The following MYT1L variants were observed in gnomAD, a reference collection of about 807,000 sequenced individuals.
MYT1L encodes the protein myelin transcription factor 1 like, also known as myelin transcription factor 1-like protein.
Under a neutral mutation model 126.7 loss-of-function variants are expected in MYT1L, and 12 were observed. That is an observed-to-expected ratio of 0.09 (90% confidence interval 0.06 to 0.15). The LOEUF is 0.15. MYT1L is among the 10% of genes least tolerant of loss of function. MYT1L has a pLI of 1.00. For missense variants in MYT1L, 979 were observed against 1,585.2 expected (o/e 0.62, Z 6.49); for synonymous variants, 541 against 604.2 (o/e 0.90, Z 1.53).
chr2:2,004,871 C>T (rs918185394), intron 4 of MYT1L, among the ~76,000 whole-genome samples: 1 of 151,050 alleles, frequency 6.6e-6, no homozygotes, highest in African/African-American at 2.4e-5. Context: ...TGCGTTCTTT[C>T]CTGTAGGAGT....
intron 2 of MYT1L, among the ~76,000 whole-genome samples, chr2:2,222,108 T>G (rs2148991768): frequency 6.6e-6 from 1 of 152,340 alleles, no homozygotes; most frequent in Non-Finnish European, 1.5e-5. Flanking sequence ...TCTTTTGTAC[T>G]TCAAGGACTA....
chr2:2,322,571 T>A (rs1410512379), intron 1 of MYT1L, among the ~76,000 whole-genome samples: 2 of 151,182 alleles, frequency 1.3e-5, no homozygotes, highest in Admixed American at 1.3e-4. Flanking sequence ...AAGTGGAGAC[T>A]AATATGACAC....
chr2:2,008,086 G>A (rs1189369043), intron 4 of MYT1L, among the ~76,000 whole-genome samples: 1 of 152,136 alleles, frequency 6.6e-6, no homozygotes, highest in African/African-American at 2.4e-5. Flanking sequence ...GGCTCCATGT[G>A]GACCCCCCAA....
intron 19 of MYT1L, among the ~76,000 whole-genome samples, chr2:1,845,008 T>A (rs763105579): frequency 6.1e-4 from 92 of 149,746 alleles, no homozygotes; most frequent in Admixed American, 2.7e-3. Flanking sequence ...ACAGAGTCTC[T>A]CGCTCTGCTG....
intron 19 of MYT1L, among the ~76,000 whole-genome samples, chr2:1,845,725 G>A (rs970031275): frequency 6.6e-6 from 1 of 152,196 alleles, no homozygotes; most frequent in African/African-American, 2.4e-5. Flanking sequence ...CCGTTTTCCA[G>A]CAAATAAAAT....
chr2:2,197,872 T>C (rs11127375), intron 2 of MYT1L, among the ~76,000 whole-genome samples: 1 of 146,086 alleles, frequency 6.8e-6, no homozygotes, highest in Non-Finnish European at 1.5e-5. Flanking sequence ...CACACATATA[T>C]ACACATGCAC....
At chr2:1,954,606 G>A (rs1027245870) in intron 8 of MYT1L, among the ~76,000 whole-genome samples, 13 of 152,262 alleles carry the variant, frequency 8.5e-5, no homozygotes, top group Admixed American at 7.8e-4. Flanking sequence ...AACATCAGCA[G>A]CAAGTGGCTG....
chr2:1,856,374 G>A (rs1052955758), intron 18 of MYT1L, among the ~76,000 whole-genome samples: 7 of 152,106 alleles, frequency 4.6e-5, no homozygotes, highest in Non-Finnish European at 1.0e-4. Context: ...AAGATGTGTC[G>A]GCTAACATAA....
chr2:1,871,504 G>A (rs1054717288), intron 18 of MYT1L, among the ~76,000 whole-genome samples: 11 of 152,230 alleles, frequency 7.2e-5, no homozygotes, highest in African/African-American at 2.2e-4. Context: ...CAGTGAAGCC[G>A]GAGGGCAGAG....
At chr2:2,163,467 T>C (rs1366898694) in intron 3 of MYT1L, among the ~76,000 whole-genome samples, 5 of 151,918 alleles carry the variant, frequency 3.3e-5, no homozygotes, top group African/African-American at 1.2e-4. Flanking sequence ...GGCTCACACC[T>C]GTAATCCCAG....
At position 1,810,387 on chromosome 2, in the gene MYT1L, G is replaced by A. The variant is rs544542654; in HGVS notation, c.3081-1220C>T. On this transcript the variant is annotated intron_variant, in intron 21 of 24. Transcript: ENST00000647738. Reference sequence around the variant, plus strand: ...ACTCCTGACCTCAGGTGATCTGCCCGCCTTGGCCTCCCAAAGTGCTAGGAT... The same window carrying A: ...ACTCCTGACCTCAGGTGATCTGCCCACCTTGGCCTCCCAAAGTGCTAGGAT... Among the ~76,000 whole-genome samples, 10 of 152,178 alleles carry A rather than the reference G, an allele frequency of 6.6e-5. No individual in the cohort carries two copies. The South Asian group carries it at 1.7e-3, about 25-fold the overall frequency.
intron 1 of MYT1L, among the ~76,000 whole-genome samples, chr2:2,285,209 A>G (rs968864762): frequency 2.6e-5 from 4 of 152,190 alleles, no homozygotes; most frequent in Non-Finnish European, 5.9e-5. Flanking sequence ...TTGCAAGAGA[A>G]GGTTCTGGAC....
intron 18 of MYT1L, among the ~76,000 whole-genome samples, chr2:1,864,092 T>C (rs1255573163): frequency 6.6e-6 from 1 of 152,182 alleles, no homozygotes; most frequent in Non-Finnish European, 1.5e-5. Context: ...CAGCCTGACA[T>C]GGCCCAGGTG....
intron 3 of MYT1L, among the ~76,000 whole-genome samples, chr2:2,118,512 T>C (rs899843211): frequency 6.6e-6 from 1 of 152,182 alleles, no homozygotes; most frequent in African/African-American, 2.4e-5. Context: ...AGATATCCCA[T>C]AGCCATAAAA....
intron 2 of MYT1L, among the ~76,000 whole-genome samples, chr2:2,231,383 G>A (rs183187088): frequency 3.9e-5 from 6 of 152,274 alleles, no homozygotes; most frequent in East Asian, 3.9e-4. Flanking sequence ...GGTTGACTGC[G>A]TTACTGCCTA....
intron 4 of MYT1L, among the ~76,000 whole-genome samples, chr2:2,051,418 C>T (rs1171137886): frequency 1.3e-5 from 2 of 152,184 alleles, no homozygotes; most frequent in Non-Finnish European, 2.9e-5. Context: ...CAACAGCCTG[C>T]ACAGACCTCT....
At chr2:2,301,462 C>T (rs150880983) in intron 1 of MYT1L, among the ~76,000 whole-genome samples, 5 of 151,958 alleles carry the variant, frequency 3.3e-5, no homozygotes, top group South Asian at 2.1e-4. Context: ...CTCAGCATTT[C>T]GTTATAAGAG....
chr2:1,796,027 AGTG>A (rs1202145632), intron 23 of MYT1L, among the ~76,000 whole-genome samples: 2 of 152,150 alleles, frequency 1.3e-5, no homozygotes, highest in East Asian at 3.9e-4. Context: ...TGCATTTTTT[AGTG>A]GTAAGAAAAA....
intron 3 of MYT1L, among the ~76,000 whole-genome samples, chr2:2,104,584 A>G (rs1175206141): frequency 6.6e-6 from 1 of 152,244 alleles, no homozygotes; most frequent in African/African-American, 2.4e-5. Context: ...GCCAGGGGCC[A>G]GAGAGGCATC....
Sources: gnomAD v4.1 joint callset for allele counts (sites outside exome capture counted in the v4.1 genomes callset) on GRCh38, gnomAD v4.1.1 for gene constraint, MANE v1.5 for transcripts, NCBI Gene and HGNC (gene_info 2026-07-23, HGNC 2026-07-21) for gene names.